Variants in SLC16A10 observed in about 807,000 individuals in gnomAD.
SLC16A10 encodes the protein monocarboxylate transporter 10.
SLC16A10 carries 27 observed loss-of-function variants against 40.0 expected under a neutral mutation model. The observed-to-expected ratio is 0.67, with a 90% CI of 0.50 to 0.93. The LOEUF is 0.93. Ranked by LOEUF, SLC16A10 falls within the 40% of genes least tolerant of loss-of-function variation. The pLI is 0.00. For synonymous variants in SLC16A10, 213 were observed against 249.8 expected (o/e 0.85, Z 1.39); for missense variants, 529 against 658.2 (o/e 0.80, Z 2.15).
At chr6:111,113,231 G>C (rs1279257875) in intron 1 of SLC16A10, among the ~76,000 whole-genome samples, 1 of 151,922 alleles carries the variant, frequency 6.6e-6, no homozygotes, top group East Asian at 1.9e-4. Flanking sequence ...TTTTCAACTG[G>C]CTTATGGTTA....
intron 4 of SLC16A10, among the ~76,000 whole-genome samples, chr6:111,210,234 G>A (rs1410740990): frequency 1.3e-5 from 2 of 152,156 alleles, no homozygotes; most frequent in African/African-American, 4.8e-5. Context: ...TTTCCACTTA[G>A]AGATGTGAAC....
chr6:111,106,277 A>C (rs947076718), intron 1 of SLC16A10, among the ~76,000 whole-genome samples: 1 of 152,216 alleles, frequency 6.6e-6, no homozygotes, highest in Admixed American at 6.5e-5. Flanking sequence ...GAACAATGTA[A>C]GTTTTTGATA....
intron 1 of SLC16A10, among the ~76,000 whole-genome samples, chr6:111,140,312 A>C (rs1771958874): frequency 6.6e-6 from 1 of 152,008 alleles, no homozygotes; most frequent in Non-Finnish European, 1.5e-5. Context: ...AAAGTACAAA[A>C]ATTAGCTGGG....
At chr6:111,195,889 CTG>C (rs1438884945) in intron 3 of SLC16A10, among the ~76,000 whole-genome samples, 1 of 152,120 alleles carries the variant, frequency 6.6e-6, no homozygotes, top group East Asian at 1.9e-4. Context: ...TGAACACTGA[CTG>C]TATAATTACC....
chr6:111,093,290 G>A (rs1771016923), intron 1 of SLC16A10, among the ~76,000 whole-genome samples: 1 of 152,178 alleles, frequency 6.6e-6, no homozygotes, highest in African/African-American at 2.4e-5. Flanking sequence ...CTGAAAGGGA[G>A]GTTCTTTGGC....
chr6:111,204,926 G>T (rs1340786942), intron 3 of SLC16A10, among the ~76,000 whole-genome samples: 1 of 151,110 alleles, frequency 6.6e-6, no homozygotes, highest in African/African-American at 2.4e-5. Context: ...TTTAAATTTT[G>T]TACTTTTTTT....
intron 1 of SLC16A10, among the ~76,000 whole-genome samples, chr6:111,152,014 G>T (rs1250130808): frequency 6.6e-6 from 1 of 152,108 alleles, no homozygotes; most frequent in East Asian, 1.9e-4. Flanking sequence ...CTTGAGATTA[G>T]GGACCTGAGA....
chr6:111,141,562 G>GGAGGCA (rs1771982845), intron 1 of SLC16A10, among the ~76,000 whole-genome samples: 1 of 151,910 alleles, frequency 6.6e-6, no homozygotes, highest in South Asian at 2.1e-4. Context: ...CTTGGGAGGC[G>GGAGGCA]GAGGCAGGAG....
chr6:111,197,631 T>A (rs1359610077), intron 3 of SLC16A10, among the ~76,000 whole-genome samples: 4 of 152,174 alleles, frequency 2.6e-5, no homozygotes, highest in South Asian at 2.1e-4. Flanking sequence ...GGATGATTTA[T>A]AAAGAAAAGA....
intron 1 of SLC16A10, among the ~76,000 whole-genome samples, chr6:111,126,332 AC>A (rs1014854977): frequency 2.4e-4 from 37 of 152,214 alleles, no homozygotes; most frequent in African/African-American, 8.9e-4. Flanking sequence ...GGTTGACTTC[AC>A]CAGGAGGTGT....
intron 1 of SLC16A10, among the ~76,000 whole-genome samples, chr6:111,169,947 C>A (rs1387441548): frequency 1.6e-5 from 2 of 123,614 alleles, no homozygotes; most frequent in Non-Finnish European, 3.2e-5. Flanking sequence ...GACAGAATCT[C>A]ACTCTGTCCC....
At chr6:111,217,188 A>G (rs955254095) in intron 4 of SLC16A10, among the ~76,000 whole-genome samples, 1 of 152,206 alleles carries the variant, frequency 6.6e-6, no homozygotes, top group Non-Finnish European at 1.5e-5. Flanking sequence ...GGACGGCTCC[A>G]TCTTCTGTGC....
intron 4 of SLC16A10, among the ~76,000 whole-genome samples, chr6:111,209,292 G>T (rs1341814105): frequency 6.6e-6 from 1 of 152,094 alleles, no homozygotes; most frequent in Non-Finnish European, 1.5e-5. Context: ...AAGAACCAAG[G>T]CAGAGATACT....
intron 4 of SLC16A10, among the ~76,000 whole-genome samples, chr6:111,215,501 GA>G (rs1457711574): frequency 7.9e-5 from 12 of 151,384 alleles, no homozygotes; most frequent in African/African-American, 2.9e-4. Flanking sequence ...ATATATTCCT[GA>G]AAACCTTGTA....
At chr6:111,194,454 T>A (rs1773046299) in intron 3 of SLC16A10, among the ~76,000 whole-genome samples, 1 of 152,182 alleles carries the variant, frequency 6.6e-6, no homozygotes, top group Non-Finnish European at 1.5e-5. Context: ...AGAAGTATAG[T>A]CAGTCTTGCT....
At chr6:111,205,534 T>C (rs1773240539) in intron 3 of SLC16A10, among the ~76,000 whole-genome samples, 1 of 152,252 alleles carries the variant, frequency 6.6e-6, no homozygotes, top group African/African-American at 2.4e-5. Context: ...TTATTAACTG[T>C]GTGCCAAACA....
chr6:111,121,825 A>C (rs1258771047), intron 1 of SLC16A10, among the ~76,000 whole-genome samples: 1 of 152,168 alleles, frequency 6.6e-6, no homozygotes. Context: ...AGCATCTTGA[A>C]AATTTTTAAT....
At chr6:111,185,352 C>G (rs1000110723) in intron 3 of SLC16A10, among the ~76,000 whole-genome samples, 1 of 152,166 alleles carries the variant, frequency 6.6e-6, no homozygotes, top group African/African-American at 2.4e-5. Flanking sequence ...GGGCCTACAC[C>G]AAAGATTGCT....
chr6:111,132,010 A>G (rs970032624), intron 1 of SLC16A10, among the ~76,000 whole-genome samples: 2 of 152,188 alleles, frequency 1.3e-5, no homozygotes, highest in African/African-American at 4.8e-5. Flanking sequence ...CTGTATCTCC[A>G]AAGGGATCTA....
Sources: allele counts gnomAD v4.1 joint callset (sites outside exome capture counted in the v4.1 genomes callset), GRCh38; gene constraint gnomAD v4.1.1; transcripts MANE v1.5; gene names NCBI Gene and HGNC (gene_info 2026-07-23, HGNC 2026-07-21).